MIPOL1: variants seen among roughly 807,000 people sequenced by gnomAD.
MIPOL1 encodes mirror-image polydactyly gene 1 protein.
A neutral mutation model predicts 60.9 loss-of-function variants in MIPOL1; 57 were observed. The ratio of observed to expected loss-of-function variants is 0.94; its 90% CI spans 0.76 to 1.17. The LOEUF (loss-of-function observed/expected upper bound fraction) is 1.17. Among genes scored for constraint, MIPOL1 ranks in the 50% most tolerant of loss-of-function variants. The pLI, the probability that MIPOL1 is intolerant of heterozygous loss-of-function variation, is 0.00. For synonymous variants in MIPOL1, 179 were observed against 168.8 expected (o/e 1.06, Z -0.47); for missense variants, 551 against 511.6 (o/e 1.08, Z -0.74).
intron 9 of MIPOL1, among the ~76,000 whole-genome samples, chr14:37,356,513 C>T (rs977231969): frequency 3.9e-5 from 6 of 152,208 alleles, no homozygotes; most frequent in African/African-American, 7.2e-5. Context: ...AGCCTCGCTG[C>T]CGCCTTGCAG....
At chr14:37,534,066 G>C (rs1260931236) in intron 12 of MIPOL1, among the ~76,000 whole-genome samples, 3 of 136,982 alleles carry the variant, frequency 2.2e-5, no homozygotes, top group Non-Finnish European at 4.5e-5. Flanking sequence ...CCATCCTGGC[G>C]AGACTCCATC....
At chr14:37,236,743 A>C (rs1026495948) in intron 1 of MIPOL1, among the ~76,000 whole-genome samples, 11 of 151,938 alleles carry the variant, frequency 7.2e-5, no homozygotes, top group African/African-American at 2.7e-4. Context: ...TGGCCTCCAA[A>C]TTATTTGTGC....
chr14:37,451,972 G>A (rs1341996478), intron 11 of MIPOL1, among the ~76,000 whole-genome samples: 67 of 150,578 alleles, frequency 4.4e-4, no homozygotes, highest in Non-Finnish European at 8.8e-5. Context: ...CCGCCATCAC[G>A]CCCGGCTAAT....
intron 12 of MIPOL1, among the ~76,000 whole-genome samples, chr14:37,513,085 G>A (rs1248599349): frequency 6.6e-6 from 1 of 152,000 alleles, no homozygotes; most frequent in Non-Finnish European, 1.5e-5. Context: ...GGACTCAGAT[G>A]GCTCCTAAAC....
At chr14:37,427,031 A>T (rs2093979589) in intron 11 of MIPOL1, among the ~76,000 whole-genome samples, 1 of 152,098 alleles carries the variant, frequency 6.6e-6, no homozygotes, top group Non-Finnish European at 1.5e-5. Flanking sequence ...CAAACACAGA[A>T]TTACCATATG....
At chr14:37,410,267 T>A (rs999613462) in intron 10 of MIPOL1, among the ~76,000 whole-genome samples, 8 of 151,882 alleles carry the variant, frequency 5.3e-5, no homozygotes, top group Non-Finnish European at 1.2e-4. Context: ...TGATGACGAG[T>A]TAATGGGTGC....
intron 10 of MIPOL1, among the ~76,000 whole-genome samples, chr14:37,373,933 G>C (rs1415155068): frequency 6.6e-6 from 1 of 152,112 alleles, no homozygotes; most frequent in Non-Finnish European, 1.5e-5. Flanking sequence ...GGTATTTCTA[G>C]TTCTAGATCC....
chr14:37,465,886 C>T (rs915759705), intron 11 of MIPOL1, among the ~76,000 whole-genome samples: 6 of 152,010 alleles, frequency 3.9e-5, no homozygotes, highest in Non-Finnish European at 7.4e-5. Context: ...CTAGACAGGA[C>T]CTAAGCAATT....
At position 37,437,093 on chromosome 14, in the gene MIPOL1, C is replaced by T. The variant is rs187339960; in HGVS notation, c.1031+14144C>T. Reference sequence around the variant, plus strand: ...TTTACTATTCTGTTTAGTTGTTAAGCTTTAAATGTTGTTGTACAGTATGTC... The same window carrying T: ...TTTACTATTCTGTTTAGTTGTTAAGTTTTAAATGTTGTTGTACAGTATGTC... On this transcript the variant is annotated intron_variant, in intron 11 of 12. Coordinates refer to ENST00000684589, the MANE Select transcript of MIPOL1 (RefSeq NM_001388067.1). Among the ~76,000 whole-genome samples, 296 of 152,172 alleles carry T rather than the reference C, an allele frequency of 1.9e-3. 2 individuals carry two copies. Among genetic ancestry groups the T allele is most frequent in the African/African-American group, 6.7e-3 (279 of 41,532 alleles).
At chr14:37,552,284 T>A (rs1299538351), downstream of MIPOL1, 1 of 152,200 alleles carries the variant, frequency 6.6e-6, no homozygotes, top group East Asian at 1.9e-4. Flanking sequence ...ATAATTGTAA[T>A]TTTTTTAACT....
At chr14:37,222,222 CTTT>C (rs201521182) in intron 1 of MIPOL1, among the ~76,000 whole-genome samples, 5 of 140,100 alleles carry the variant, frequency 3.6e-5, no homozygotes, top group Admixed American at 7.2e-5. Context: ...GAAAACATTG[CTTT>C]TTTTTTTTTT....
intron 10 of MIPOL1, among the ~76,000 whole-genome samples, chr14:37,375,558 C>G (rs2092753408): frequency 6.6e-6 from 1 of 152,058 alleles, no homozygotes; most frequent in Non-Finnish European, 1.5e-5. Context: ...CAATGTAATT[C>G]CATTGAAAGT....
intron 1 of MIPOL1, among the ~76,000 whole-genome samples, chr14:37,222,050 C>T (rs1468127589): frequency 1.3e-5 from 2 of 151,988 alleles, no homozygotes; most frequent in African/African-American, 4.8e-5. Context: ...GCTATCATCC[C>T]AAGACAGATT....
chr14:37,496,523 C>A (rs2095131823), intron 11 of MIPOL1, among the ~76,000 whole-genome samples: 1 of 143,366 alleles, frequency 7.0e-6, no homozygotes, highest in East Asian at 2.1e-4. Context: ...AAACAGAGAG[C>A]CAAATCATGA....
intron 3 of MIPOL1, among the ~76,000 whole-genome samples, chr14:37,262,718 ACTT>A (rs1346074137): frequency 6.6e-6 from 1 of 152,148 alleles, no homozygotes; most frequent in East Asian, 1.9e-4. Flanking sequence ...TGCCCCTAAT[ACTT>A]CTATCCACCC....
chr14:37,291,469 A>G (rs1473587657), intron 7 of MIPOL1, among the ~76,000 whole-genome samples: 1 of 151,662 alleles, frequency 6.6e-6, no homozygotes, highest in Non-Finnish European at 1.5e-5. Flanking sequence ...TTGATTCTCA[A>G]CTTACTTCCT....
chr14:37,298,691 G>GA (rs2086038924), intron 7 of MIPOL1, among the ~76,000 whole-genome samples: 1 of 152,020 alleles, frequency 6.6e-6, no homozygotes, highest in Admixed American at 6.6e-5. Context: ...AAAAACACAT[G>GA]AAAAAATGCT....
intron 11 of MIPOL1, among the ~76,000 whole-genome samples, chr14:37,429,350 A>G (rs1189261437): frequency 6.6e-6 from 1 of 152,286 alleles, no homozygotes; most frequent in East Asian, 1.9e-4. Flanking sequence ...AGCCAGTAGT[A>G]TAGGATTTAT....
chr14:37,362,302 C>T (rs1459270966), intron 9 of MIPOL1, among the ~76,000 whole-genome samples: 1 of 152,104 alleles, frequency 6.6e-6, no homozygotes, highest in African/African-American at 2.4e-5. Context: ...TAAGGCAGGC[C>T]TGGTGGTGGC....
Sources: allele counts gnomAD v4.1 joint callset (sites outside exome capture counted in the v4.1 genomes callset), GRCh38; gene constraint gnomAD v4.1.1; transcripts MANE v1.5; gene names NCBI Gene and HGNC (gene_info 2026-07-23, HGNC 2026-07-21).